IL4R: variants seen among roughly 807,000 people sequenced by gnomAD.
IL4R encodes the protein interleukin-4 receptor subunit alpha.
Under a neutral mutation model 41.5 loss-of-function variants are expected in IL4R, and 17 were observed. The observed-to-expected ratio is 0.41, with a 90% confidence interval of 0.28 to 0.61. The LOEUF is 0.61. Among genes scored for constraint, IL4R ranks in the 20% least tolerant of loss-of-function variants. The pLI, the probability that IL4R is intolerant of heterozygous loss-of-function variation, is 0.31. For synonymous variants in IL4R, 402 were observed against 422.9 expected, an observed-to-expected ratio of 0.95 and a Z score of 0.61; for missense variants, 974 against 1,043.1, an observed-to-expected ratio of 0.93 and a Z score of 0.91.
At chr16:27,360,194 A>C (rs1037794782) in intron 9 of IL4R, among the ~76,000 whole-genome samples, 9 of 151,974 alleles carry the variant, frequency 5.9e-5, no homozygotes, top group African/African-American at 2.2e-4. Flanking sequence ...TTGTATTTTT[A>C]ATAGAGATGG....
chr16:27,320,625 A>G (rs1179828222), intron 1 of IL4R, among the ~76,000 whole-genome samples: 1 of 152,232 alleles, frequency 6.6e-6, no homozygotes, highest in Non-Finnish European at 1.5e-5. Context: ...CAGCCCAAAG[A>G]GGAGAGTTTA....
At chr16:27,326,712 G>A (rs570629204) in intron 1 of IL4R, among the ~76,000 whole-genome samples, 19 of 152,276 alleles carry the variant, frequency 1.2e-4, no homozygotes, top group African/African-American at 4.1e-4. Context: ...AGTGGGTGAG[G>A]ATGGTTGAGC....
At chr16:27,325,264 G>A (rs926291132) in intron 1 of IL4R, among the ~76,000 whole-genome samples, 12 of 151,248 alleles carry the variant, frequency 7.9e-5, no homozygotes, top group Non-Finnish European at 1.6e-4. Flanking sequence ...CCCTCACCCC[G>A]CCCTCTCATA....
intron 1 of IL4R, among the ~76,000 whole-genome samples, chr16:27,320,543 G>A (rs2084784729): frequency 6.6e-6 from 1 of 152,112 alleles, no homozygotes; most frequent in African/African-American, 2.4e-5. Flanking sequence ...GCTCCTAAGT[G>A]GCAGAGTCCA....
In IL4R at chr16:27,345,912, C is replaced by T. The variant is rs1227229928; in HGVS notation, c.362-555C>T. On this transcript the variant is annotated intron_variant, in intron 5 of 10. Transcript: ENST00000395762. This position sits in a 1 kb window ranked among gnomAD's most constrained non-coding sequence, Gnocchi z 4.5. ...GCTTGAACCCAGGAGAAGGAGGTTG[C>T]AGTGAGCTTAGATCATGCTACTGCC... Among the ~76,000 whole-genome samples the T allele has an allele frequency of 6.6e-6, 1 of 152,186 alleles. No homozygotes were observed. Among genetic ancestry groups the T allele is most frequent in the Non-Finnish European group, 1.5e-5 (1 of 68,034 alleles).
chr16:27,317,791 A>G (rs1177254715), intron 1 of IL4R, among the ~76,000 whole-genome samples: 1 of 152,112 alleles, frequency 6.6e-6, no homozygotes, highest in Non-Finnish European at 1.5e-5. Flanking sequence ...TTGTTTTGTC[A>G]TGGGTGTTTG....
At chr16:27,324,751 G>A (rs1035128486) in intron 1 of IL4R, among the ~76,000 whole-genome samples, 4 of 152,196 alleles carry the variant, frequency 2.6e-5, no homozygotes, top group South Asian at 2.1e-4. Flanking sequence ...CCAGGATCCC[G>A]GATGGAGTTG....
chr16:27,358,663 T>A (rs1829625507), intron 8 of IL4R, among the ~76,000 whole-genome samples: 1 of 151,994 alleles, frequency 6.6e-6, no homozygotes, highest in African/African-American at 2.4e-5. Flanking sequence ...AATGCGGGAG[T>A]GTGAACCTGG....
intron 2 of IL4R, among the ~76,000 whole-genome samples, chr16:27,332,903 T>TAAAA (rs2085153645): frequency 6.6e-6 from 1 of 152,102 alleles, no homozygotes; most frequent in Non-Finnish European, 1.5e-5. Flanking sequence ...TTAGTTTCTC[T>TAAAA]TGTGATTTCT....
chr16:27,357,135 A>G (rs1307468361), intron 8 of IL4R, among the ~76,000 whole-genome samples: 9 of 152,148 alleles, frequency 5.9e-5, no homozygotes, highest in Admixed American at 5.9e-4. Context: ...ATTCCCCTCC[A>G]TATCTTGTCA....
Position 27,358,963 on chromosome 16 carries a change from G to C in IL4R, c.818G>C (p.Arg273Pro). ...WDQIPNPARS[R>P]LVAIIIQDAQ... ...CAGATTCCCAACCCAGCCCGCAGCC[G>C]CCTCGTGGCTATAATAATCCAGGAT... Residue 273 changes from arginine to proline, a missense_variant, in exon 9 of 11, where the codon CGC becomes CCC. Coordinates refer to ENST00000395762, the MANE Select transcript of IL4R (RefSeq NM_000418.4). 1 of 1,613,778 alleles carries C rather than the reference G, an allele frequency of 6.2e-7. No homozygotes were observed. Among genetic ancestry groups the C allele is most frequent in the Non-Finnish European group, 8.5e-7 (1 of 1,179,702 alleles).
At chr16:27,338,255 A>G (rs2085323708) in intron 2 of IL4R, among the ~76,000 whole-genome samples, 1 of 149,756 alleles carries the variant, frequency 6.7e-6, no homozygotes, top group African/African-American at 2.5e-5. Flanking sequence ...TTTTTATGAC[A>G]GGGTCTTGCT....
At chr16:27,334,929 A>C (rs758390915) in intron 2 of IL4R, among the ~76,000 whole-genome samples, 9 of 152,144 alleles carry the variant, frequency 5.9e-5, no homozygotes, top group Non-Finnish European at 1.0e-4. Flanking sequence ...GCACCGTTGT[A>C]GATACTGGGG....
At chr16:27,336,676 CAA>C (rs67336687) in intron 2 of IL4R, among the ~76,000 whole-genome samples, 3,827 of 68,226 alleles carry the variant, frequency 0.056, 164 homozygotes, top group African/African-American at 0.17. Flanking sequence ...AACTCTGTCT[CAA>C]AAAAAAAAAA....
chr16:27,355,436 C>G, intron 7 of IL4R: 1 of 293,222 alleles, frequency 3.4e-6, no homozygotes, highest in South Asian at 3.3e-5. Flanking sequence ...TGTCATTAAC[C>G]CCATAGTACA....
intron 4 of IL4R, 150 bp from the exon 5 acceptor site, chr16:27,344,719 G>A: frequency 1.2e-6 from 1 of 802,378 alleles, no homozygotes. Flanking sequence ...AGCACACCCT[G>A]GCCGCTCCCA....
rs1272148575 is a variant in IL4R, at chr16:27,345,426, C to G, written c.361+406C>G. ...GTGGAAGGCTGACCTTCTTCTGGTACCCGGAGTCCCTGCAGGAATCCCCCT... is the reference window on the plus strand; with the variant it reads ...GTGGAAGGCTGACCTTCTTCTGGTAGCCGGAGTCCCTGCAGGAATCCCCCT... On this transcript the variant is annotated intron_variant, in intron 5 of 10. Transcript: ENST00000395762. The surrounding 1 kb of genome is among the most constrained non-coding windows in gnomAD (Gnocchi z 4.5). The G allele has an allele frequency of 5.7e-6, 2 of 350,110 alleles. No homozygotes were observed. Among genetic ancestry groups the G allele is most frequent in the East Asian group, 7.4e-5 (1 of 13,528 alleles). The allele number at this position is 350,110 out of a possible 1,614,324, so 21.7% of individuals were successfully genotyped here. A position where few individuals can be genotyped will look rare whatever the true frequency, so the allele number is the denominator to read the frequency against.
chr16:27,318,455 A>C (rs1176090243), intron 1 of IL4R, among the ~76,000 whole-genome samples: 3 of 152,196 alleles, frequency 2.0e-5, no homozygotes, highest in Admixed American at 6.5e-5. Context: ...GGGATGAGGA[A>C]GAGAGGGCCA....
rs2086337286 is a variant in IL4R at position 27,362,600 on chromosome 16, AGAG to A, written c.1252_1254del (p.Glu418del). 1.2e-6 allele frequency: 2 copies of A among 1,614,112 alleles called. No homozygotes were observed. Among genetic ancestry groups the A allele is most frequent in the African/African-American group, 1.3e-5 (1 of 75,006 alleles). On this transcript the variant is annotated inframe_deletion, in exon 11 of 11. Transcript: ENST00000395762. ...AGAGCCTGTTCCTGGACCTGCTCGG[AGAG>A]GAGAATGGGGGCTTTTGCCAGCAGG...
Sources: gnomAD v4.1 joint callset for allele counts (sites outside exome capture counted in the v4.1 genomes callset) on GRCh38, gnomAD v4.1.1 for gene constraint, Gnocchi (gnomAD v3.1) non-coding constraint, MANE v1.5 for transcripts, NCBI Gene and HGNC (gene_info 2026-07-23, HGNC 2026-07-21) for gene names.